The following TCF4 variants were observed in gnomAD, a reference collection of about 807,000 sequenced individuals.
TCF4 encodes SL3-3 enhancer factor 2.
In TCF4, 3 loss-of-function variants were observed where a neutral mutation model predicts 82.1. The observed-to-expected ratio is 0.04, with a 90% CI of 0.02 to 0.09. The LOEUF is 0.09. Ranked by LOEUF, TCF4 falls within the 10% of genes least tolerant of loss-of-function variation. TCF4 has a pLI of 1.00. For missense variants in TCF4, 518 were observed against 852.7 expected, an observed-to-expected ratio of 0.61 and a Z score of 4.89; for synonymous variants, 276 against 309.6, an observed-to-expected ratio of 0.89 and a Z score of 1.14.
In TCF4 at chr18:55,461,037, C is replaced by A; in HGVS notation, c.286G>T (p.Val96Phe). 6.2e-7 allele frequency: 1 copy of A among 1,613,222 alleles called. No individual in the cohort carries two copies. Among genetic ancestry groups the A allele is most frequent in the Non-Finnish European group, 8.5e-7 (1 of 1,179,454 alleles). ...GSHDNLSPPF[V>F]NSRIQSKTER... is the part of the protein sequence containing the mutation. ...GTCTTACTTTGTATTCTGGAATTGA[C>A]AAAAGGTGGAGAGAGATTGTCATGT... Residue 96 changes from valine to phenylalanine, a missense_variant, in exon 5 of 20, where the codon GTC becomes TTC. Coordinates refer to ENST00000354452, the MANE Select transcript of TCF4 (RefSeq NM_001083962.2).
intron 10 of TCF4, among the ~76,000 whole-genome samples, chr18:55,270,863 A>G (rs2060202054): frequency 6.6e-6 from 1 of 152,152 alleles, no homozygotes; most frequent in Non-Finnish European, 1.5e-5. Context: ...TTCAAGATAA[A>G]AAGCAGCTTC....
intron 3 of TCF4, among the ~76,000 whole-genome samples, chr18:55,555,018 T>C (rs1221672329): frequency 6.6e-6 from 1 of 152,200 alleles, no homozygotes; most frequent in African/African-American, 2.4e-5. Flanking sequence ...GGTAATTTTT[T>C]TTCCTGACCC....
intron 3 of TCF4, among the ~76,000 whole-genome samples, chr18:55,554,412 C>G (rs1390479083): frequency 6.6e-6 from 1 of 152,022 alleles, no homozygotes; most frequent in East Asian, 1.9e-4. Flanking sequence ...ACACTGAATT[C>G]TAACTTCCCT....
intron 2 of TCF4, among the ~76,000 whole-genome samples, chr18:55,626,174 A>G (rs1490686504): frequency 6.6e-6 from 1 of 152,236 alleles, no homozygotes; most frequent in Non-Finnish European, 1.5e-5. Flanking sequence ...GGAAAAATAG[A>G]TGTCTGTTTC....
At chr18:55,301,047 C>T (rs534161536) in intron 8 of TCF4, among the ~76,000 whole-genome samples, 1 of 152,000 alleles carries the variant, frequency 6.6e-6, no homozygotes, top group Non-Finnish European at 1.5e-5. Flanking sequence ...GGAGAAAGCT[C>T]GTTACCGCTA....
chr18:55,552,473 T>C (rs1458937855), intron 3 of TCF4, among the ~76,000 whole-genome samples: 5 of 152,230 alleles, frequency 3.3e-5, no homozygotes, highest in Admixed American at 2.0e-4. Context: ...ATTTTTTCAA[T>C]GCTAAGAAGA....
chr18:55,396,626 T>C (rs940754824), intron 6 of TCF4, among the ~76,000 whole-genome samples: 1 of 152,170 alleles, frequency 6.6e-6, no homozygotes, highest in Non-Finnish European at 1.5e-5. Context: ...ACAGAGGTTG[T>C]TGCAAGGTTC....
intron 3 of TCF4, among the ~76,000 whole-genome samples, chr18:55,493,242 T>G (rs562423473): frequency 1.3e-5 from 2 of 152,270 alleles, no homozygotes; most frequent in South Asian, 4.1e-4. Flanking sequence ...GGCCTTAATT[T>G]AAAAAACCTT....
chr18:55,392,682 C>T (rs933864931), intron 6 of TCF4, among the ~76,000 whole-genome samples: 15 of 152,070 alleles, frequency 9.9e-5, no homozygotes, highest in East Asian at 5.8e-4. Context: ...CTGAATAGCA[C>T]AAAATGTTGT....
intron 5 of TCF4, among the ~76,000 whole-genome samples, chr18:55,443,153 C>T (rs1156633720): frequency 6.6e-6 from 1 of 152,278 alleles, no homozygotes; most frequent in Admixed American, 6.5e-5. Flanking sequence ...GGTCCCATTG[C>T]TTGGTTTTAA....
intron 1 of TCF4, among the ~76,000 whole-genome samples, chr18:55,632,200 T>G (rs1209409017): frequency 6.6e-6 from 1 of 152,082 alleles, no homozygotes; most frequent in Non-Finnish European, 1.5e-5. Context: ...AACCACATCC[T>G]GCTAATTTTT....
intron 2 of TCF4, among the ~76,000 whole-genome samples, chr18:55,615,089 T>TA (rs2147970505): frequency 6.6e-6 from 1 of 152,292 alleles, no homozygotes; most frequent in East Asian, 1.9e-4. Flanking sequence ...GACTTGATAA[T>TA]AAATTAGAAA....
At chr18:55,465,040 G>C (rs2095981029) in intron 3 of TCF4, among the ~76,000 whole-genome samples, 1 of 152,150 alleles carries the variant, frequency 6.6e-6, no homozygotes, top group Non-Finnish European at 1.5e-5. Flanking sequence ...TCTATATTTA[G>C]AAATGGCTGT....
upstream of TCF4, chr18:55,591,025 A>G (rs559655624): frequency 1.2e-4 from 19 of 152,334 alleles, 1 homozygote; most frequent in South Asian, 1.0e-3. Context: ...CCTATATACC[A>G]TCTGGCAGTG....
intron 3 of TCF4, among the ~76,000 whole-genome samples, chr18:55,522,410 A>G (rs2146524676): frequency 6.6e-6 from 1 of 152,328 alleles, no homozygotes; most frequent in African/African-American, 2.4e-5. Context: ...TATACTTTGA[A>G]AAACATTTTC....
At chr18:55,585,247 T>C (rs2097628666) in intron 3 of TCF4, 33 bp downstream of exon 3, 1 of 1,593,396 alleles carries the variant, frequency 6.3e-7, no homozygotes, top group Admixed American at 1.7e-5. Flanking sequence ...GCCCAGAACA[T>C]TTAACTTAAC....
At chr18:55,339,330 C>T (rs978119807) in intron 8 of TCF4, among the ~76,000 whole-genome samples, 4 of 152,140 alleles carry the variant, frequency 2.6e-5, no homozygotes, top group African/African-American at 2.4e-5. Flanking sequence ...AACCAGGATC[C>T]TTTTGGTGAG....
chr18:55,336,494 A>C (rs561851831), intron 8 of TCF4, among the ~76,000 whole-genome samples: 1 of 152,150 alleles, frequency 6.6e-6, no homozygotes, highest in Non-Finnish European at 1.5e-5. Context: ...AGGTTTGTCC[A>C]TATACTAGGA....
chr18:55,236,969 ATAACT>A, intron 15 of TCF4, among the ~76,000 whole-genome samples: 1 of 152,358 alleles, frequency 6.6e-6, no homozygotes, highest in African/African-American at 2.4e-5. Flanking sequence ...CATCTGTGAC[ATAACT>A]TAAGAGTAAT....
Sources: gnomAD v4.1 joint callset for allele counts (sites outside exome capture counted in the v4.1 genomes callset) on GRCh38, gnomAD v4.1.1 for gene constraint, MANE v1.5 for transcripts, NCBI Gene and HGNC (gene_info 2026-07-23, HGNC 2026-07-21) for gene names.